Variants in GRB14 observed in about 807,000 individuals in gnomAD.
GRB14 encodes the protein growth factor receptor-bound protein 14.
In GRB14, 38 loss-of-function variants were observed where a neutral mutation model predicts 69.1. The observed-to-expected ratio is 0.55, with a 90% confidence interval of 0.42 to 0.72. GRB14 has a LOEUF of 0.72. GRB14 is among the 30% of genes least tolerant of loss of function. GRB14 has a pLI of 0.00. For synonymous variants in GRB14, 247 were observed against 241.3 expected (o/e 1.02, Z -0.22); for missense variants, 666 against 666.1 (o/e 1.00, Z 0.00).
At chr2:164,555,198 G>A (rs1316815659) in intron 2 of GRB14, among the ~76,000 whole-genome samples, 2 of 152,124 alleles carry the variant, frequency 1.3e-5, no homozygotes, top group African/African-American at 2.4e-5. Context: ...GGATGGCATG[G>A]GATAGCCAGA....
chr2:164,504,812 T>TG (rs1687148552), intron 8 of GRB14, among the ~76,000 whole-genome samples: 1 of 151,942 alleles, frequency 6.6e-6, no homozygotes, highest in Admixed American at 6.6e-5. Flanking sequence ...GATTGTAAGG[T>TG]GGGGTGATGG....
chr2:164,500,453 T>C (rs1400965461), intron 9 of GRB14, among the ~76,000 whole-genome samples: 2 of 152,136 alleles, frequency 1.3e-5, no homozygotes, highest in Admixed American at 6.6e-5. Context: ...AAAACTTATA[T>C]GTTAATCGCT....
At chr2:164,620,901 G>C (rs1266072071) in intron 1 of GRB14, among the ~76,000 whole-genome samples, 1 of 152,216 alleles carries the variant, frequency 6.6e-6, no homozygotes, top group Admixed American at 6.5e-5. Flanking sequence ...CGAGAGAGAT[G>C]AGAGCTCTCA....
At chr2:164,606,407 T>C (rs1022149698) in intron 2 of GRB14, among the ~76,000 whole-genome samples, 1 of 152,228 alleles carries the variant, frequency 6.6e-6, no homozygotes, top group African/African-American at 2.4e-5. Context: ...TCATGGAACT[T>C]GGCGGGTAAA....
chr2:164,536,460 G>A (rs1688082504), intron 3 of GRB14, among the ~76,000 whole-genome samples: 2 of 152,038 alleles, frequency 1.3e-5, no homozygotes, highest in South Asian at 4.2e-4. Context: ...TTCCATTAAA[G>A]GAAATTTTAC....
intron 13 of GRB14, 83 bp from the exon 14 acceptor site, chr2:164,493,265 A>G (rs1686806900): frequency 1.6e-6 from 2 of 1,268,338 alleles, no homozygotes; most frequent in Admixed American, 2.4e-5. Flanking sequence ...CTATCTCCAC[A>G]TGCCAAAACT....
At position 164,508,776 on chromosome 2, in the gene GRB14, T is replaced by C; in HGVS notation, c.893A>G (p.His298Arg). ...IYVSLAGKKK[H>R]GAPTNYGFCF... ...GAATCCATAGTTAGTCGGTGCTCCA[T>C]GTTTTTTTTTGCCTGCCAGTGACAC... The change falls in exon 7 of 14, where the codon CAT becomes CGT. Residue 298 changes from histidine (H) to arginine (R), a missense_variant. Physicochemically the swap from His to Arg is conservative, Grantham distance 29. Transcript: ENST00000263915. 1 of 1,591,448 alleles carries C rather than the reference T, an allele frequency of 6.3e-7. No homozygotes were observed. Among genetic ancestry groups the C allele is most frequent in the East Asian group, 2.2e-5 (1 of 44,634 alleles).
In GRB14 at chr2:164,619,805, T is replaced by G; in HGVS notation, c.206A>C (p.Asp69Ala). The G allele has an allele frequency of 6.2e-7, 1 of 1,609,120 alleles. No homozygotes were observed. The highest frequency in any genetic ancestry group is 1.1e-5 in the South Asian group (1 of 90,122). ...AGATGGCATTTCCGGAACATCAAGA[T>G]CTTTCTTTTTTCTCCTACAGTAAGA... ...GCAADRRKKK[D>A]LDVPEMPSIP... Residue 69 changes from aspartate (D) to alanine (A), a missense_variant, in exon 2 of 14, where the codon GAT (aspartate) becomes GCT (alanine). Physicochemically the swap from Asp to Ala is moderately radical, Grantham distance 126. Coordinates refer to ENST00000263915, the MANE Select transcript of GRB14 (RefSeq NM_004490.3).
intron 2 of GRB14, among the ~76,000 whole-genome samples, chr2:164,584,497 T>C (rs1481433645): frequency 1.3e-5 from 2 of 152,044 alleles, no homozygotes; most frequent in African/African-American, 2.4e-5. Context: ...ACCATTAATA[T>C]ACACTTGAAA....
At position 164,522,028 on chromosome 2, in the gene GRB14, A is replaced by G; in HGVS notation, c.768T>C (p.Phe256=). 6.2e-7 allele frequency: 1 copy of G among 1,605,200 alleles called. No homozygotes were observed. Among genetic ancestry groups the G allele is most frequent in the Non-Finnish European group, 8.5e-7 (1 of 1,173,648 alleles). ...AATATAAACCAGATCTTCTTAGAAA[A>G]AAGTAAATTTTTTTCCAAGACTTCT... is the stretch of plus-strand genomic sequence containing the variant. ...QGKKSWKKIY[F]FLRRSGLYFS... The change falls in exon 6 of 14, where the codon TTT becomes TTC. Residue 256 remains phenylalanine (F), a synonymous_variant. Coordinates refer to ENST00000263915, the MANE Select transcript of GRB14 (RefSeq NM_004490.3).
chr2:164,582,417 ATTTATTATTT>A (rs1689430015), intron 2 of GRB14, among the ~76,000 whole-genome samples: 1 of 107,784 alleles, frequency 9.3e-6, no homozygotes, highest in African/African-American at 4.6e-5. Context: ...TTATTTATTT[ATTTATTATTT>A]TTTTTTTTTT....
Position 164,547,783 on chromosome 2 carries a change from T to G in GRB14, c.358A>C (p.Arg120=). 6.2e-7 allele frequency: 1 copy of G among 1,613,614 alleles called. No homozygotes were observed. Reference sequence around the variant, plus strand: ...ATGTCACTGGGTACATCTAAAGCCCTGCTGGTTTCATCTTCACTGTATACT... The same window carrying G: ...ATGTCACTGGGTACATCTAAAGCCCGGCTGGTTTCATCTTCACTGTATACT... The part of the protein sequence containing the change: ...IKVYSEDETS[R]ALDVPSDITA... Residue 120 remains arginine, a synonymous_variant, in exon 3 of 14, where the codon AGG becomes CGG. Coordinates refer to ENST00000263915, the MANE Select transcript of GRB14 (RefSeq NM_004490.3).
chr2:164,590,896 G>T (rs941675210), intron 2 of GRB14, among the ~76,000 whole-genome samples: 2 of 152,162 alleles, frequency 1.3e-5, no homozygotes, highest in Non-Finnish European at 2.9e-5. Context: ...GCTGCCACTT[G>T]ATTTATTTTG....
At chr2:164,582,267 G>A (rs772487258) in intron 2 of GRB14, among the ~76,000 whole-genome samples, 4 of 152,032 alleles carry the variant, frequency 2.6e-5, no homozygotes, top group African/African-American at 4.8e-5. Context: ...ACATCAAGTT[G>A]CATAAACCAG....
At chr2:164,611,943 C>T (rs1690176623) in intron 2 of GRB14, among the ~76,000 whole-genome samples, 1 of 152,092 alleles carries the variant, frequency 6.6e-6, no homozygotes, top group Non-Finnish European at 1.5e-5. Context: ...TGCACAGGAG[C>T]CATTACTGCT....
chr2:164,589,315 A>AGTTTC (rs1689605584), intron 2 of GRB14, among the ~76,000 whole-genome samples: 1 of 152,192 alleles, frequency 6.6e-6, no homozygotes, highest in Admixed American at 6.5e-5. Context: ...TTTCACAGGC[A>AGTTTC]ATGTCACAGA....
chr2:164,590,036 C>T (rs76084386), intron 2 of GRB14, among the ~76,000 whole-genome samples: 2,840 of 152,188 alleles, frequency 0.019, 39 homozygotes, highest in Non-Finnish European at 0.029. Context: ...GCTCCACCTT[C>T]CTTACCTCCA....
chr2:164,575,552 T>C (rs1559057829), intron 2 of GRB14, among the ~76,000 whole-genome samples: 2 of 152,110 alleles, frequency 1.3e-5, no homozygotes, highest in Admixed American at 6.5e-5. Context: ...AGCAAGGACA[T>C]GGTATGCAGT....
intron 7 of GRB14, 31 bp downstream of exon 7, chr2:164,508,711 T>G (rs978110977): frequency 7.9e-6 from 12 of 1,520,904 alleles, no homozygotes; most frequent in Non-Finnish European, 1.1e-5. Flanking sequence ...GAGGCTTGCT[T>G]TATTCATCTA....
Sources: gnomAD v4.1 joint callset for allele counts (sites outside exome capture counted in the v4.1 genomes callset) on GRCh38, gnomAD v4.1.1 for gene constraint, MANE v1.5 for transcripts, NCBI Gene and HGNC (gene_info 2026-07-23, HGNC 2026-07-21) for gene names.